SYNM: variants seen among roughly 807,000 people sequenced by gnomAD.
SYNM encodes the protein synemin, also known as desmuslin.
SYNM carries 95 observed loss-of-function variants against 104.0 expected under a neutral mutation model. The ratio of observed to expected loss-of-function variants is 0.91; its 90% CI spans 0.77 to 1.08. The LOEUF (loss-of-function observed/expected upper bound fraction) is 1.08, where lower values mean the gene tolerates loss of function less well. Among genes scored for constraint, SYNM ranks in the 50% least tolerant of loss-of-function variants. The pLI is 0.00. For synonymous variants in SYNM, 918 were observed against 869.0 expected, an observed-to-expected ratio of 1.06 and a Z score of -0.99; for missense variants, 2,150 against 2,052.2, an observed-to-expected ratio of 1.05 and a Z score of -0.92.
chr15:99,114,428 T>A (rs1218189246), intron 2 of SYNM, among the ~76,000 whole-genome samples: 3 of 151,908 alleles, frequency 2.0e-5, no homozygotes, highest in African/African-American at 4.8e-5. Context: ...CAAATCGAGA[T>A]GAGGTTTGGG....
chr15:99,121,203 G>T lies in SYNM; in HGVS notation c.936-5519G>T, dbSNP rs1036945155. On this transcript the variant is annotated intron_variant, in intron 2 of 3. Coordinates refer to ENST00000336292, the MANE Select transcript of SYNM (RefSeq NM_145728.3). ...TCTGGGAATGAGGCAGAGTGCAGGG[G>T]CCTTGAACGCTGGGAAGCTGCAGTG... Among the ~76,000 whole-genome samples, 27 of 152,132 alleles carry T rather than the reference G, an allele frequency of 1.8e-4. 1 individual carries two copies. Among genetic ancestry groups the T allele is most frequent in the Non-Finnish European group, 1.5e-5 (1 of 68,014 alleles).
chr15:99,105,579 G>C lies in SYNM; in HGVS notation c.380G>C (p.Arg127Pro). 8.7e-7 allele frequency: 1 copy of C among 1,145,262 alleles called. No individual in the cohort carries two copies. The highest frequency in any genetic ancestry group is 1.1e-6 in the Non-Finnish European group (1 of 931,150). The allele number at this position is 1,145,262 out of a possible 1,614,324, so 70.9% of individuals were successfully genotyped here. A position where few individuals can be genotyped will look rare whatever the true frequency, so the allele number is the denominator to read the frequency against. The stretch of plus-strand genomic sequence containing the variant: ...GAGCTGCAGGAGGCGCTGGGCGCGC[G>C]CGCCGCCCTCGAGGCGCTGCTGGGC... ...QRELQEALGA[R>P]AALEALLGRL... is the part of the protein sequence containing the mutation. The change falls in exon 1 of 4, where the codon CGC becomes CCC. Residue 127 changes from arginine (R) to proline (P), a missense_variant. Physicochemically the swap from Arg to Pro is moderately radical, Grantham distance 103. Transcript: ENST00000336292.
At position 99,134,884 on chromosome 15, in the gene SYNM, G is replaced by A. The variant is rs1201081153; in HGVS notation, c.*1826G>A. 1.3e-5 allele frequency: 2 copies of A among 152,230 alleles called. No homozygotes were observed. The highest frequency in any genetic ancestry group is 2.9e-5 in the Non-Finnish European group (2 of 68,038). 9.4% of individuals were successfully genotyped at this position (152,230 alleles called of 1,614,324 possible). A position where few individuals can be genotyped will look rare whatever the true frequency, so the allele number is the denominator to read the frequency against. ...AACTAGTGATTGTCAGACTGGTATG[G>A]AGGTGACTGCTTTGTAAGGTTTTGT... On this transcript the variant is annotated 3_prime_UTR_variant, in exon 4 of 4. Coordinates refer to ENST00000336292, the MANE Select transcript of SYNM (RefSeq NM_145728.3).
At chr15:99,124,679 A>T (rs1555484868) in intron 2 of SYNM, among the ~76,000 whole-genome samples, 1 of 151,914 alleles carries the variant, frequency 6.6e-6, no homozygotes, top group Admixed American at 6.6e-5. Context: ...ATCGCAGGGG[A>T]GGGGGCTGAG....
At position 99,130,076 on chromosome 15, in the gene SYNM, G is replaced by T; in HGVS notation, c.1716G>T (p.Val572=). The T allele has an allele frequency of 6.2e-7, 1 of 1,613,906 alleles. No individual in the cohort carries two copies. The highest frequency in any genetic ancestry group is 2.2e-5 in the East Asian group (1 of 44,884). Residue 572 remains valine, a synonymous_variant, in exon 4 of 4, where the codon GTG becomes GTT. Coordinates refer to ENST00000336292, the MANE Select transcript of SYNM (RefSeq NM_145728.3). The part of the protein sequence containing the change: ...KEKDSPKEKS[V]REREVPISLE... The stretch of plus-strand genomic sequence containing the variant: ...AGGACTCACCGAAGGAGAAGAGCGT[G>T]CGAGAGAGAGAGGTGCCGATTAGTC...
chr15:99,105,401 C>A lies in SYNM; in HGVS notation c.202C>A (p.Arg68=). The A allele has an allele frequency of 6.6e-7, 1 of 1,508,812 alleles. No individual in the cohort carries two copies. Among genetic ancestry groups the A allele is most frequent in the Non-Finnish European group, 8.8e-7 (1 of 1,135,388 alleles). 93.5% of individuals were successfully genotyped at this position (1,508,812 alleles called of 1,614,324 possible). Residue 68 remains arginine (R), a synonymous_variant, in exon 1 of 4, where the codon CGG becomes AGG. Coordinates refer to ENST00000336292, the MANE Select transcript of SYNM (RefSeq NM_145728.3). Reference sequence around the variant, plus strand: ...CTGCGCCGAGGAGGCGCGCAGCTTGCGGCAGCAGCTGGACGAGCTGAGCTG... The same window carrying A: ...CTGCGCCGAGGAGGCGCGCAGCTTGAGGCAGCAGCTGGACGAGCTGAGCTG... ...ARCAEEARSL[R]QQLDELSWAT...
chr15:99,119,419 G>A (rs1329784311), intron 2 of SYNM, among the ~76,000 whole-genome samples: 3 of 152,226 alleles, frequency 2.0e-5, no homozygotes, highest in Admixed American at 6.5e-5. Flanking sequence ...ACTGCTGTTG[G>A]CAGAGTGGCC....
rs77588870 is a variant in SYNM, at chr15:99,112,546, G to A, written c.811-1045G>A. Among the ~76,000 whole-genome samples, 72 of 152,218 alleles carry A rather than the reference G, an allele frequency of 4.7e-4. 1 individual carries two copies. In the East Asian group the frequency reaches 0.01, roughly 22 times the overall value. ...GCTATGTGCTGTGTGACTTGTATGT[G>A]GTGGGCACTGGTCTAGGTCTGGGAT... On this transcript the variant is annotated intron_variant, in intron 1 of 3. Transcript: ENST00000336292.
At chr15:99,139,521 CA>C (rs1555489144), downstream of SYNM, 2 of 1,553,190 alleles carry the variant, frequency 1.3e-6, no homozygotes, top group African/African-American at 2.7e-5. Context: ...ATGGAATTAG[CA>C]TGCTCCTGGG....
At chr15:99,116,726 G>C (rs782250662) in intron 2 of SYNM, among the ~76,000 whole-genome samples, 1 of 142,700 alleles carries the variant, frequency 7.0e-6, no homozygotes, top group Non-Finnish European at 1.6e-5. Context: ...GGAGTGTGGT[G>C]GTGCGATCTT....
Position 99,131,547 on chromosome 15 carries a change from A to G in SYNM, c.3187A>G (p.Ile1063Val), listed in dbSNP as rs2067507601. ...EGGAEAPAAG[I>V]RFRRWATREL... is the part of the protein sequence containing the mutation. ...TGGAGCGGAGGCCCCGGCTGCTGGC[A>G]TTCGCTTTAGGCGTTGGGCCACCCG... The change falls in exon 4 of 4, where the codon ATT (isoleucine) becomes GTT (valine). Residue 1063 changes from isoleucine (I) to valine (V), a missense_variant. Coordinates refer to ENST00000336292, the MANE Select transcript of SYNM (RefSeq NM_145728.3). This position sits in a 1 kb window ranked among gnomAD's most constrained non-coding sequence, Gnocchi z 4.3. 2 of 1,608,806 alleles carry G rather than the reference A, an allele frequency of 1.2e-6. No individual in the cohort carries two copies. The highest frequency in any genetic ancestry group is 1.7e-6 in the Non-Finnish European group (2 of 1,179,734).
chr15:99,129,821 A>G lies in SYNM; in HGVS notation c.1461A>G (p.Thr487=). ...DKVAAGASES[T]RSNERTVILG... ...TGGCAGCAGGTGCTTCGGAAAGCACACGGTCAAATGAGAGGACCGTCATTC... is the reference window on the plus strand; with the variant it reads ...TGGCAGCAGGTGCTTCGGAAAGCACGCGGTCAAATGAGAGGACCGTCATTC... Residue 487 remains threonine, a synonymous_variant, in exon 4 of 4, where the codon ACA becomes ACG. Coordinates refer to ENST00000336292, the MANE Select transcript of SYNM (RefSeq NM_145728.3). The G allele has an allele frequency of 6.2e-7, 1 of 1,613,752 alleles. No homozygotes were observed.
chr15:99,140,873 C>G, the SYNM span: 1 of 152,190 alleles, frequency 6.6e-6, no homozygotes, highest in Non-Finnish European at 1.5e-5. Flanking sequence ...ATTCAGAATA[C>G]ATGAAGAATT....
chr15:99,113,206 A>G (rs1382877507), intron 1 of SYNM, among the ~76,000 whole-genome samples: 4 of 152,206 alleles, frequency 2.6e-5, no homozygotes, highest in Non-Finnish European at 5.9e-5. Context: ...TGAATATTGT[A>G]AAACCCCTGA....
At position 99,131,335 on chromosome 15, in the gene SYNM, C is replaced by T; in HGVS notation, c.2975C>T (p.Ala992Val). 1 of 1,613,312 alleles carries T rather than the reference C, an allele frequency of 6.2e-7. No individual in the cohort carries two copies. Among genetic ancestry groups the T allele is most frequent in the Non-Finnish European group, 8.5e-7 (1 of 1,179,714 alleles). ...VSVDVKKVQG[A>V]GGSSVTLVAE... ...GTGGATGTCAAGAAGGTCCAGGGTG[C>T]TGGTGGCAGTTCCGTGACCCTGGTT... Residue 992 changes from alanine (A) to valine (V), a missense_variant, in exon 4 of 4, where the codon GCT becomes GTT. Coordinates refer to ENST00000336292, the MANE Select transcript of SYNM (RefSeq NM_145728.3). The surrounding 1 kb of genome is among the most constrained non-coding windows in gnomAD (Gnocchi z 4.3).
intron 1 of SYNM, among the ~76,000 whole-genome samples, chr15:99,107,955 T>G (rs1292210203): frequency 1.0e-4 from 14 of 133,444 alleles, no homozygotes; most frequent in African/African-American, 2.7e-4. Flanking sequence ...TGTTTTGTTT[T>G]TTTTTTGGTT....
At chr15:99,112,409 C>T (rs782089318) in intron 1 of SYNM, among the ~76,000 whole-genome samples, 12 of 152,196 alleles carry the variant, frequency 7.9e-5, no homozygotes, top group Admixed American at 4.6e-4. Context: ...AACTGGAAAT[C>T]GGTGCAGCTG....
intron 3 of SYNM, 21 bp from the exon 4 acceptor site, chr15:99,129,346 T>G (rs782507566): frequency 3.1e-6 from 5 of 1,604,460 alleles, no homozygotes; most frequent in Non-Finnish European, 4.3e-6. Context: ...TTTTAATGAA[T>G]GCTTTGTTCA....
chr15:99,113,848 C>T (rs2151800779), intron 2 of SYNM, 133 bp downstream of exon 2: 2 of 1,366,228 alleles, frequency 1.5e-6, no homozygotes, highest in Non-Finnish European at 2.0e-6. Context: ...CAGCCCTTGG[C>T]ATGGCCAGGC....
Sources: gnomAD v4.1 joint callset for allele counts (sites outside exome capture counted in the v4.1 genomes callset) on GRCh38, gnomAD v4.1.1 for gene constraint, Gnocchi (gnomAD v3.1) non-coding constraint, MANE v1.5 for transcripts, NCBI Gene and HGNC (gene_info 2026-07-23, HGNC 2026-07-21) for gene names.